Variants in PRKD1 observed in about 807,000 individuals in gnomAD.
PRKD1 encodes the protein protein kinase D1, also known as serine/threonine-protein kinase D1.
Under a neutral mutation model 95.9 loss-of-function variants are expected in PRKD1, and 63 were observed. The ratio of observed to expected loss-of-function variants is 0.66; its 90% CI spans 0.54 to 0.81. PRKD1 has a LOEUF of 0.81. PRKD1 is among the 30% of genes least tolerant of loss of function. PRKD1 has a pLI of 0.00. For missense variants in PRKD1, 1,048 were observed against 1,165.3 expected (o/e 0.90, Z 1.47); for synonymous variants, 425 against 423.1 (o/e 1.00, Z -0.05).
Position 29,800,394 on chromosome 14 carries a change from C to A in PRKD1, c.265-74720G>T, listed in dbSNP as rs1049869734. Among the ~76,000 whole-genome samples, 4 of 152,188 alleles carry A rather than the reference C, an allele frequency of 2.6e-5. No individual in the cohort carries two copies. The East Asian group carries it at 7.7e-4, about 29-fold the overall frequency. On this transcript the variant is annotated intron_variant, in intron 1 of 17. Coordinates refer to ENST00000331968, the MANE Select transcript of PRKD1 (RefSeq NM_002742.3). ...TTCCTCCCTGTGTCCACTTCTACTTCATTAAAACCTGTGTTCTAGACCCTG... is the reference window on the plus strand; with the variant it reads ...TTCCTCCCTGTGTCCACTTCTACTTAATTAAAACCTGTGTTCTAGACCCTG...
At chr14:29,753,709 C>T (rs1226034026) in intron 1 of PRKD1, among the ~76,000 whole-genome samples, 1 of 152,064 alleles carries the variant, frequency 6.6e-6, no homozygotes, top group Non-Finnish European at 1.5e-5. Flanking sequence ...TACCAGTATG[C>T]AACATACCAC....
In PRKD1 at chr14:29,599,681, T is replaced by G; in HGVS notation, c.2042A>C (p.His681Pro). 3 of 1,612,434 alleles carry G rather than the reference T, an allele frequency of 1.9e-6. No homozygotes were observed. The highest frequency in any genetic ancestry group is 2.5e-6 in the Non-Finnish European group (3 of 1,179,516). Reference sequence around the variant, plus strand: ...CTGAGTAATTAAAAACTTCGTTATGTGCTCTGGCAACCTGCCCTTTTCACT... The same window carrying G: ...CTGAGTAATTAAAAACTTCGTTATGGGCTCTGGCAACCTGCCCTTTTCACT... ...LSSEKGRLPE[H>P]ITKFLITQIL... is the part of the protein sequence containing the mutation. Residue 681 changes from histidine (H) to proline (P), a missense_variant, in exon 14 of 18, where the codon CAC becomes CCC. By Grantham distance (77) the His-to-Pro change is moderately conservative (BLOSUM62 -2). This residue lies in a region of PRKD1 where 739 missense variants were observed against 861.9 expected (regional missense o/e 0.86). Coordinates refer to ENST00000331968, the MANE Select transcript of PRKD1 (RefSeq NM_002742.3).
At chr14:29,732,742 G>A (rs950555411) in intron 1 of PRKD1, among the ~76,000 whole-genome samples, 3 of 152,012 alleles carry the variant, frequency 2.0e-5, no homozygotes, top group Non-Finnish European at 4.4e-5. Context: ...GTATGTTAAT[G>A]TTTTTAGCTC....
intron 1 of PRKD1, among the ~76,000 whole-genome samples, chr14:29,922,422 C>T (rs2139141882): frequency 6.6e-6 from 1 of 151,584 alleles, no homozygotes; most frequent in Middle Eastern, 3.5e-3. Flanking sequence ...AAATATAAAA[C>T]AATACTTCAC....
intron 3 of PRKD1, among the ~76,000 whole-genome samples, chr14:29,665,777 C>CATGTATGTGTATACATACATACATGTACA (rs1566524944): frequency 6.6e-6 from 1 of 151,378 alleles, no homozygotes; most frequent in East Asian, 2.0e-4. Flanking sequence ...ATACATAGAT[C>CATGTATGTGTATACATACATACATGTACA]TATGTACATA....
At chr14:29,819,969 A>G (rs1268840174) in intron 1 of PRKD1, among the ~76,000 whole-genome samples, 1 of 152,238 alleles carries the variant, frequency 6.6e-6, no homozygotes, top group Non-Finnish European at 1.5e-5. Context: ...ATTACTTTGT[A>G]GACTGTCACA....
chr14:29,700,990 A>G (rs774175436), intron 2 of PRKD1, among the ~76,000 whole-genome samples: 36 of 45,016 alleles, frequency 8.0e-4, no homozygotes, highest in South Asian at 1.8e-3. Flanking sequence ...GCGCGCGCGC[A>G]CACACACACA....
chr14:29,578,921 C>T (rs1209433526), intron 16 of PRKD1, among the ~76,000 whole-genome samples: 1 of 152,078 alleles, frequency 6.6e-6, no homozygotes, highest in Non-Finnish European at 1.5e-5. Context: ...GAAGAAAACA[C>T]TTTAATTGCT....
intron 1 of PRKD1, among the ~76,000 whole-genome samples, chr14:29,889,878 A>G (rs574383119): frequency 6.6e-6 from 1 of 152,264 alleles, no homozygotes; most frequent in East Asian, 1.9e-4. Context: ...CTAGAACTTA[A>G]AGTATAATAA....
chr14:29,861,783 G>A (rs967400681), intron 1 of PRKD1, among the ~76,000 whole-genome samples: 8 of 152,178 alleles, frequency 5.3e-5, no homozygotes, highest in Admixed American at 5.2e-4. Flanking sequence ...CTCCAAAGTA[G>A]CTGGGACTAC....
At chr14:29,723,670 C>CGTGTGT (rs58797570) in intron 2 of PRKD1, among the ~76,000 whole-genome samples, 1,727 of 149,646 alleles carry the variant, frequency 0.012, 27 homozygotes, top group African/African-American at 0.038. Context: ...ATTGAGTGTG[C>CGTGTGT]GTGTGTGTGT....
chr14:29,816,349 C>A (rs1230842023), intron 1 of PRKD1, among the ~76,000 whole-genome samples: 4 of 152,106 alleles, frequency 2.6e-5, no homozygotes, highest in Non-Finnish European at 5.9e-5. Context: ...CCTGAGCTAC[C>A]AACAATGCCC....
At chr14:29,709,225 A>G (rs1200854576) in intron 2 of PRKD1, among the ~76,000 whole-genome samples, 1 of 152,226 alleles carries the variant, frequency 6.6e-6, no homozygotes, top group African/African-American at 2.4e-5. Flanking sequence ...AAAGACATAC[A>G]ATTTATTTCC....
chr14:29,599,244 A>C, intron 14 of PRKD1, 119 bp from the exon 15 acceptor site: 1 of 796,168 alleles, frequency 1.3e-6, no homozygotes, highest in Non-Finnish European at 2.0e-6. Flanking sequence ...TATGTTAAAG[A>C]CACTGAAATG....
chr14:29,881,639 G>A (rs1893515097), intron 1 of PRKD1, among the ~76,000 whole-genome samples: 1 of 152,056 alleles, frequency 6.6e-6, no homozygotes, highest in East Asian at 1.9e-4. Flanking sequence ...CCATTCAGTA[G>A]TAATTCTTTA....
chr14:29,723,172 A>C (rs888319813), intron 2 of PRKD1, among the ~76,000 whole-genome samples: 4 of 152,222 alleles, frequency 2.6e-5, no homozygotes, highest in Non-Finnish European at 5.9e-5. Flanking sequence ...TTAAAATGGA[A>C]AGTAAAATTA....
At chr14:29,624,303 T>C (rs758205236) in intron 12 of PRKD1, 45 bp from the exon 13 acceptor site, 24 of 1,412,256 alleles carry the variant, frequency 1.7e-5, no homozygotes, top group East Asian at 2.3e-5. Flanking sequence ...TTAAATATCA[T>C]CTATCTTAAA....
intron 4 of PRKD1, among the ~76,000 whole-genome samples, chr14:29,641,449 G>A (rs1880759024): frequency 6.6e-6 from 1 of 152,218 alleles, no homozygotes; most frequent in South Asian, 2.1e-4. Context: ...GCATAGTAAC[G>A]TATTTTGTAG....
intron 1 of PRKD1, among the ~76,000 whole-genome samples, chr14:29,904,260 A>C (rs1894419974): frequency 6.6e-6 from 1 of 152,214 alleles, no homozygotes; most frequent in African/African-American, 2.4e-5. Context: ...AAAAGGGAAG[A>C]GGAACCATTG....
Sources: gnomAD v4.1 joint callset for allele counts (sites outside exome capture counted in the v4.1 genomes callset) on GRCh38, gnomAD v4.1.1 for gene constraint, gnomAD v4.1.1 regional missense constraint, MANE v1.5 for transcripts, NCBI Gene and HGNC (gene_info 2026-07-23, HGNC 2026-07-21) for gene names.